The following NHS variants were observed in gnomAD, a reference collection of about 807,000 sequenced individuals.
NHS encodes NHS actin remodeling regulator, also known as actin remodeling regulator NHS.
NHS carries 5 observed loss-of-function variants against 72.5 expected under a neutral mutation model. The ratio of observed to expected loss-of-function variants is 0.07; its 90% CI spans 0.04 to 0.14. The LOEUF is 0.14. Ranked by LOEUF, NHS falls within the 10% of genes least tolerant of loss-of-function variation. The probability of loss-of-function intolerance (pLI) is 1.00; values close to 1 mark genes in which losing one functional copy is unlikely to be tolerated. For synonymous variants in NHS, 464 were observed against 547.7 expected, an observed-to-expected ratio of 0.85 and a Z score of 2.13; for missense variants, 1,072 against 1,355.7, an observed-to-expected ratio of 0.79 and a Z score of 3.29.
At chrX:17,702,769 C>T (rs1307960596) in intron 3 of NHS, among the ~76,000 whole-genome samples, 1 of 111,987 alleles carries the variant, frequency 8.9e-6, no homozygotes, top group Non-Finnish European at 1.9e-5. Context: ...GTCAAAGAGC[C>T]TTTGAGGTAC....
intron 1 of NHS, among the ~76,000 whole-genome samples, chrX:17,655,703 A>G (rs10453773): frequency 0.035 from 3,941 of 112,650 alleles, 177 homozygotes; most frequent in African/African-American, 0.12. Flanking sequence ...GTCTACACCG[A>G]CAAGGCTCTC....
At chrX:17,577,700 C>G (rs1219770045) in intron 1 of NHS, among the ~76,000 whole-genome samples, 1 of 111,551 alleles carries the variant, frequency 9.0e-6, no homozygotes, top group African/African-American at 3.3e-5. Flanking sequence ...GGAAAGTGTT[C>G]CTGGTTTATT....
intron 1 of NHS, among the ~76,000 whole-genome samples, chrX:17,508,274 A>G (rs1383713087): frequency 1.9e-5 from 2 of 107,771 alleles, no homozygotes; most frequent in Non-Finnish European, 3.8e-5. Flanking sequence ...TTCTGTCTCT[A>G]TGGATTTGCC....
chrX:17,460,610 C>T (rs2064843372), intron 1 of NHS, among the ~76,000 whole-genome samples: 1 of 111,635 alleles, frequency 9.0e-6, no homozygotes, highest in Admixed American at 9.5e-5. Flanking sequence ...ATCACACCCC[C>T]AGCCCCAGAC....
chrX:17,692,370 G>A lies in NHS; in HGVS notation c.754G>A (p.Ala252Thr), dbSNP rs1411256335. The A allele has an allele frequency of 8.3e-7, 1 of 1,210,870 alleles. No homozygotes were observed. Among genetic ancestry groups the A allele is most frequent in the East Asian group, 3.0e-5 (1 of 33,809 alleles). Reference protein sequence around the residue: ...RSRSDRREQRAAAPLSIAAPP... With the variant: ...RSRSDRREQRTAAPLSIAAPP... The stretch of plus-strand genomic sequence containing the variant: ...CCGGAGCGATCGCCGAGAGCAAAGA[G>A]CAGCTGCCCCCCTTTCCATTGCAGC... The change falls in exon 3 of 9, where the codon GCA (alanine) becomes ACA (threonine). Residue 252 changes from alanine to threonine, a missense_variant. Physicochemically the swap from Ala to Thr is moderately conservative, Grantham distance 58. Coordinates refer to ENST00000676302, the MANE Select transcript of NHS (RefSeq NM_001291867.2).
At chrX:17,394,204 G>T (rs1242688830) in intron 1 of NHS, among the ~76,000 whole-genome samples, 3 of 111,821 alleles carry the variant, frequency 2.7e-5, no homozygotes, top group African/African-American at 9.8e-5. Context: ...CTTTGGGCTT[G>T]AGGTGTGTGA....
intron 1 of NHS, among the ~76,000 whole-genome samples, chrX:17,671,337 C>T (rs1157631076): frequency 8.9e-6 from 1 of 112,487 alleles, no homozygotes; most frequent in Non-Finnish European, 1.9e-5. Flanking sequence ...TTAGTGTACC[C>T]TCCTGCACAA....
Position 17,734,459 on chromosome X carries a change from A to G in NHS, c.*1995A>G, listed in dbSNP as rs767333129. On this transcript the variant is annotated 3_prime_UTR_variant, in exon 9 of 9. Transcript: ENST00000676302. ...ATTTCTTGTCATCCTTGTATGTAAA[A>G]TGGGTGCTGGGGGTGGAGGGGTATA... 9.0e-6 allele frequency: 1 copy of G among 111,510 alleles called. No individual in the cohort carries two copies. The highest frequency in any genetic ancestry group is 1.9e-5 in the Non-Finnish European group (1 of 53,007). The allele number at this position is 111,510 out of a possible 1,213,427, so 9.2% of individuals were successfully genotyped here.
intron 1 of NHS, among the ~76,000 whole-genome samples, chrX:17,641,270 C>T (rs1484668769): frequency 8.9e-6 from 1 of 111,965 alleles, no homozygotes; most frequent in Admixed American, 9.5e-5. Context: ...GCTGCCAAAT[C>T]ACATTCTGCT....
chrX:17,694,143 C>T (rs1024191512), intron 3 of NHS, among the ~76,000 whole-genome samples: 3 of 112,044 alleles, frequency 2.7e-5, no homozygotes, highest in Non-Finnish European at 5.6e-5. Flanking sequence ...AACGAGAGTA[C>T]ATCATTTACT....
At chrX:17,533,462 T>C (rs2065208675) in intron 1 of NHS, among the ~76,000 whole-genome samples, 1 of 111,127 alleles carries the variant, frequency 9.0e-6, no homozygotes, top group Non-Finnish European at 1.9e-5. Flanking sequence ...AATTTTTGTA[T>C]TTTTTCTATA....
At chrX:17,570,210 G>A (rs1369804337) in intron 1 of NHS, among the ~76,000 whole-genome samples, 2 of 112,097 alleles carry the variant, frequency 1.8e-5, no homozygotes, top group Non-Finnish European at 3.8e-5. Flanking sequence ...TGTGAAGAAA[G>A]TCAGTGGTAG....
At chrX:17,428,222 G>T (rs979217238) in intron 1 of NHS, among the ~76,000 whole-genome samples, 1 of 112,504 alleles carries the variant, frequency 8.9e-6, no homozygotes, top group Non-Finnish European at 1.9e-5. Context: ...AAAGAAAGGG[G>T]TTTCTTCATT....
chrX:17,375,300 C>T lies in NHS; in HGVS notation c.-458C>T, dbSNP rs1317906188. On this transcript the variant is annotated 5_prime_UTR_variant, in exon 1 of 9. Coordinates refer to ENST00000676302, the MANE Select transcript of NHS (RefSeq NM_001291867.2). ...CGAGGGGCGCGCGGGGAGAGGCCTG[C>T]GCCGGGGTACTTTCAAACTGAGGCG... 7.4e-5 allele frequency: 22 copies of T among 295,315 alleles called. No homozygotes were observed. The highest frequency in any genetic ancestry group is 1.3e-4 in the Non-Finnish European group (22 of 169,829). The allele number at this position is 295,315 out of a possible 1,213,427, so 24.3% of individuals were successfully genotyped here.
chrX:17,648,474 T>A (rs2065916137), intron 1 of NHS, among the ~76,000 whole-genome samples: 1 of 112,583 alleles, frequency 8.9e-6, no homozygotes, highest in East Asian at 2.8e-4. Context: ...CTGCTCAGAT[T>A]CAAGGTGGAG....
At chrX:17,517,366 A>G (rs760635839) in intron 1 of NHS, among the ~76,000 whole-genome samples, 3 of 112,217 alleles carry the variant, frequency 2.7e-5, no homozygotes, top group Non-Finnish European at 5.6e-5. Context: ...GACCAATTAA[A>G]TCAGAACCTC....
chrX:17,610,184 C>T (rs1476088342), intron 1 of NHS, among the ~76,000 whole-genome samples: 3 of 111,855 alleles, frequency 2.7e-5, no homozygotes, highest in Non-Finnish European at 5.6e-5. Context: ...TAAAGATGAT[C>T]GTCTGGCTGG....
chrX:17,609,658 G>A lies in NHS; in HGVS notation c.566-78084G>A, dbSNP rs145057661. ...TTTGATTTGGAGGAAGACATTTACAGTCATGTGACAACATCACCAGAGGAG... is the reference window on the plus strand; with the variant it reads ...TTTGATTTGGAGGAAGACATTTACAATCATGTGACAACATCACCAGAGGAG... On this transcript the variant is annotated intron_variant, in intron 1 of 8. Transcript: ENST00000676302. Among the ~76,000 whole-genome samples the A allele has an allele frequency of 2.3e-4, 26 of 112,352 alleles. No homozygotes were observed. The East Asian group carries it at 5.3e-3, about 23-fold the overall frequency.
chrX:17,553,957 G>C (rs2032515), intron 1 of NHS, among the ~76,000 whole-genome samples: 38,594 of 110,714 alleles, frequency 0.35, 5,033 homozygotes, highest in East Asian at 0.74. Context: ...TACAGAATGG[G>C]GGCAAGACAT....
Sources: gnomAD v4.1 joint callset for allele counts (sites outside exome capture counted in the v4.1 genomes callset) on GRCh38, gnomAD v4.1.1 for gene constraint, MANE v1.5 for transcripts, NCBI Gene and HGNC (gene_info 2026-07-23, HGNC 2026-07-21) for gene names.